The following PXDN variants were observed in gnomAD, a reference collection of about 807,000 sequenced individuals.
PXDN encodes peroxidasin homolog.
In PXDN, 77 loss-of-function variants were observed where a neutral mutation model predicts 140.3. That is an observed-to-expected ratio of 0.55 (90% CI 0.46 to 0.66). The LOEUF (loss-of-function observed/expected upper bound fraction) is 0.66. Among genes scored for constraint, PXDN ranks in the 30% least tolerant of loss-of-function variants. PXDN has a pLI of 0.00. For synonymous variants in PXDN, 911 were observed against 857.4 expected, an observed-to-expected ratio of 1.06 and a Z score of -1.09; for missense variants, 1,838 against 2,039.5, an observed-to-expected ratio of 0.90 and a Z score of 1.90.
At chr2:1,732,803 A>G (rs750698769) in intron 1 of PXDN, among the ~76,000 whole-genome samples, 36 of 152,254 alleles carry the variant, frequency 2.4e-4, no homozygotes, top group Non-Finnish European at 4.7e-4. Flanking sequence ...AAATTATTCA[A>G]TTAAAACCAA....
chr2:1,698,160 C>A (rs978321206), intron 1 of PXDN, among the ~76,000 whole-genome samples: 8 of 152,186 alleles, frequency 5.3e-5, no homozygotes, highest in Non-Finnish European at 1.2e-4. Flanking sequence ...CAGCGGTGAA[C>A]AAGGTCACAG....
chr2:1,663,577 A>G, intron 12 of PXDN, 28 bp downstream of exon 12: 1 of 1,610,134 alleles, frequency 6.2e-7, no homozygotes, highest in Non-Finnish European at 8.5e-7. Context: ...GAGAAAATCA[A>G]TTCAGTCCAC....
intron 19 of PXDN, among the ~76,000 whole-genome samples, chr2:1,640,143 C>T (rs981596903): frequency 2.7e-5 from 4 of 150,674 alleles, no homozygotes; most frequent in South Asian, 2.1e-4. Context: ...GAGTGAGGGG[C>T]CCTCAGTGCC....
At chr2:1,663,315 C>T (rs1683349083) in intron 12 of PXDN, among the ~76,000 whole-genome samples, 1 of 152,062 alleles carries the variant, frequency 6.6e-6, no homozygotes, top group Admixed American at 6.5e-5. Context: ...TCTTAATTAA[C>T]CAAGGGAAAA....
intron 1 of PXDN, among the ~76,000 whole-genome samples, chr2:1,708,244 A>G (rs992923106): frequency 3.3e-5 from 5 of 152,196 alleles, no homozygotes; most frequent in Admixed American, 2.0e-4. Flanking sequence ...TTGTTCTGCA[A>G]TTAGTTAAGA....
chr2:1,723,510 GGATA>G (rs979180281), intron 1 of PXDN, among the ~76,000 whole-genome samples: 32 of 152,200 alleles, frequency 2.1e-4, no homozygotes, highest in Admixed American at 1.3e-3. Flanking sequence ...GTAAATTAAT[GGATA>G]GATAGAAGAA....
intron 6 of PXDN, among the ~76,000 whole-genome samples, chr2:1,681,426 A>G (rs569347819): frequency 3.6e-4 from 54 of 152,054 alleles, no homozygotes; most frequent in African/African-American, 1.2e-3. Flanking sequence ...ACTAGGGAAA[A>G]GTCCTGCAAC....
At chr2:1,666,759 T>C (rs951765502) in intron 9 of PXDN, among the ~76,000 whole-genome samples, 4 of 152,190 alleles carry the variant, frequency 2.6e-5, no homozygotes, top group Admixed American at 2.0e-4. Flanking sequence ...TTAAAACATG[T>C]GCCGAACTCC....
intron 1 of PXDN, among the ~76,000 whole-genome samples, chr2:1,695,905 G>C (rs571459154): frequency 1.0e-5 from 1 of 97,250 alleles, no homozygotes; most frequent in South Asian, 4.9e-4. Flanking sequence ...CCTGTGCCCT[G>C]CTGGACAGAG....
chr2:1,730,192 T>C (rs796498091), intron 1 of PXDN, among the ~76,000 whole-genome samples: 25 of 152,348 alleles, frequency 1.6e-4, no homozygotes, highest in African/African-American at 6.0e-4. Flanking sequence ...TATTTTTAAA[T>C]TTTTCTAACA....
intron 1 of PXDN, among the ~76,000 whole-genome samples, chr2:1,719,718 G>A (rs1386187713): frequency 6.6e-6 from 1 of 152,206 alleles, no homozygotes; most frequent in Non-Finnish European, 1.5e-5. Context: ...GCGCCCACCC[G>A]GTTCCAACCA....
chr2:1,635,903 A>G, intron 21 of PXDN: 1 of 342,462 alleles, frequency 2.9e-6, no homozygotes, highest in Non-Finnish European at 5.6e-6. Context: ...TAACAACACC[A>G]CTGGCTTTTC....
At chr2:1,708,196 C>A (rs1363732509) in intron 1 of PXDN, among the ~76,000 whole-genome samples, 1 of 152,246 alleles carries the variant, frequency 6.6e-6, no homozygotes, top group African/African-American at 2.4e-5. Context: ...TGCCCTGGCG[C>A]AGGCCCAGGT....
intron 19 of PXDN, among the ~76,000 whole-genome samples, chr2:1,642,624 T>G (rs902600580): frequency 1.3e-5 from 2 of 152,216 alleles, no homozygotes; most frequent in African/African-American, 4.8e-5. Context: ...GTTTGGTATT[T>G]TATGGGGATC....
At chr2:1,642,540 C>T (rs767956260) in intron 19 of PXDN, among the ~76,000 whole-genome samples, 9 of 152,214 alleles carry the variant, frequency 5.9e-5, no homozygotes, top group Non-Finnish European at 1.2e-4. Flanking sequence ...TCCCCAGATC[C>T]CCCCATTGTG....
intron 9 of PXDN, chr2:1,669,902 C>T (rs1683535321): frequency 6.6e-6 from 1 of 152,218 alleles, no homozygotes; most frequent in African/African-American, 2.4e-5. Context: ...TCAGGTCAAC[C>T]ATCCTTATCT....
intron 14 of PXDN, among the ~76,000 whole-genome samples, chr2:1,655,100 A>G (rs2125415949): frequency 6.6e-6 from 1 of 151,618 alleles, no homozygotes; most frequent in East Asian, 1.9e-4. Flanking sequence ...AACATTATAC[A>G]CAGACACACA....
At chr2:1,699,430 C>T (rs1684369740) in intron 1 of PXDN, among the ~76,000 whole-genome samples, 1 of 152,154 alleles carries the variant, frequency 6.6e-6, no homozygotes, top group East Asian at 1.9e-4. Flanking sequence ...AGAATTTGGC[C>T]AGGCACAGTG....
At chr2:1,666,690 C>G (rs184127384) in intron 9 of PXDN, among the ~76,000 whole-genome samples, 7 of 152,058 alleles carry the variant, frequency 4.6e-5, no homozygotes, top group Non-Finnish European at 4.4e-5. Flanking sequence ...ATGCAGGCCA[C>G]GTGAGAAAAG....
Sources: allele counts gnomAD v4.1 joint callset (sites outside exome capture counted in the v4.1 genomes callset), GRCh38; gene constraint gnomAD v4.1.1; transcripts MANE v1.5; gene names NCBI Gene and HGNC (gene_info 2026-07-23, HGNC 2026-07-21).